The following SGCZ variants were observed in gnomAD, a reference collection of about 807,000 sequenced individuals.
SGCZ encodes the protein zeta-sarcoglycan.
A neutral mutation model predicts 41.3 loss-of-function variants in SGCZ; 40 were observed. The ratio of observed to expected loss-of-function variants is 0.97; its 90% CI spans 0.75 to 1.26. The LOEUF is 1.26. Among genes scored for constraint, SGCZ ranks in the 50% most tolerant of loss-of-function variants. The pLI is 0.00. For missense variants in SGCZ, 552 were observed against 369.8 expected, an observed-to-expected ratio of 1.49 and a Z score of -4.04; for synonymous variants, 206 against 137.5, an observed-to-expected ratio of 1.50 and a Z score of -3.49.
rs190726094 is a variant in SGCZ, at chr8:14,131,897, G to A, written c.548-23662C>T. Among the ~76,000 whole-genome samples, 215 of 152,200 alleles carry A rather than the reference G, an allele frequency of 1.4e-3. 1 individual carries two copies. Among genetic ancestry groups the A allele is most frequent in the Non-Finnish European group, 2.7e-3 (181 of 68,012 alleles). The stretch of plus-strand genomic sequence containing the variant: ...ACAGCTTTGTAACCTAGGAGCAGTA[G>A]GTTATTTTATATAGTCTAGGTGGAT... On this transcript the variant is annotated intron_variant, in intron 5 of 7. Coordinates refer to ENST00000382080, the MANE Select transcript of SGCZ (RefSeq NM_139167.4).
At chr8:15,011,886 G>A (rs1407942917) in intron 1 of SGCZ, among the ~76,000 whole-genome samples, 1 of 152,108 alleles carries the variant, frequency 6.6e-6, no homozygotes, top group African/African-American at 2.4e-5. Context: ...TGTACTATAA[G>A]TTTATTCTTT....
intron 1 of SGCZ, among the ~76,000 whole-genome samples, chr8:14,711,866 G>C (rs550132390): frequency 6.6e-6 from 1 of 152,062 alleles, no homozygotes; most frequent in East Asian, 1.9e-4. Context: ...TTGGTTTTTC[G>C]CTTAATTGAA....
At chr8:14,862,554 ATAT>A (rs1803789711) in intron 1 of SGCZ, among the ~76,000 whole-genome samples, 1 of 134,222 alleles carries the variant, frequency 7.5e-6, no homozygotes, top group Non-Finnish European at 1.6e-5. Flanking sequence ...ATATATATAT[ATAT>A]ATATATATAT....
chr8:14,337,531 C>A (rs768833840), intron 2 of SGCZ, among the ~76,000 whole-genome samples: 1 of 151,934 alleles, frequency 6.6e-6, no homozygotes, highest in Non-Finnish European at 1.5e-5. Context: ...GAATGACTCC[C>A]GGAAGTATGG....
intron 2 of SGCZ, among the ~76,000 whole-genome samples, chr8:14,380,908 A>T (rs187825616): frequency 6.6e-6 from 1 of 152,304 alleles, no homozygotes; most frequent in African/African-American, 2.4e-5. Context: ...AGTAAAAAGT[A>T]AAACTACCTT....
At chr8:14,987,390 T>A (rs1238858695) in intron 1 of SGCZ, among the ~76,000 whole-genome samples, 6 of 151,994 alleles carry the variant, frequency 3.9e-5, no homozygotes, top group Non-Finnish European at 8.8e-5. Flanking sequence ...ATAGGCCTTC[T>A]TCTATATAAA....
At chr8:14,415,365 T>G (rs934018459) in intron 2 of SGCZ, among the ~76,000 whole-genome samples, 1 of 151,876 alleles carries the variant, frequency 6.6e-6, no homozygotes, top group African/African-American at 2.4e-5. Context: ...GTAAAAATTA[T>G]ATGAAGAAAA....
intron 3 of SGCZ, among the ~76,000 whole-genome samples, chr8:14,295,174 C>G (rs576728592): frequency 1.3e-5 from 2 of 151,974 alleles, no homozygotes; most frequent in African/African-American, 4.8e-5. Flanking sequence ...CCAAAAGATG[C>G]GAAAAGAAAT....
At chr8:14,217,878 G>A (rs577967075) in intron 4 of SGCZ, among the ~76,000 whole-genome samples, 85 of 151,992 alleles carry the variant, frequency 5.6e-4, no homozygotes, top group South Asian at 2.1e-3. Context: ...TGATCCACCC[G>A]CCTCAGCCTC....
chr8:14,288,118 G>T (rs1043278432), intron 3 of SGCZ, among the ~76,000 whole-genome samples: 1 of 152,028 alleles, frequency 6.6e-6, no homozygotes, highest in Non-Finnish European at 1.5e-5. Context: ...AATTGAAGAT[G>T]CAAGATCTCT....
At chr8:14,638,426 C>T (rs1423392207) in intron 1 of SGCZ, among the ~76,000 whole-genome samples, 1 of 151,880 alleles carries the variant, frequency 6.6e-6, no homozygotes, top group Non-Finnish European at 1.5e-5. Flanking sequence ...GTATAAATAA[C>T]ATTTCCTTAA....
intron 2 of SGCZ, among the ~76,000 whole-genome samples, chr8:14,548,669 G>A (rs1047264049): frequency 1.3e-5 from 2 of 152,130 alleles, no homozygotes; most frequent in Admixed American, 1.3e-4. Flanking sequence ...ACCTTTTTCA[G>A]CTTTCATTTA....
chr8:14,321,072 G>C (rs1185198780), intron 3 of SGCZ, among the ~76,000 whole-genome samples: 1 of 152,026 alleles, frequency 6.6e-6, no homozygotes, highest in Non-Finnish European at 1.5e-5. Flanking sequence ...CAAGTGCCTT[G>C]AAAAGAGATG....
chr8:14,444,125 C>G (rs528380916), intron 2 of SGCZ, among the ~76,000 whole-genome samples: 3,857 of 151,826 alleles, frequency 0.025, 75 homozygotes, highest in South Asian at 0.034. Flanking sequence ...CCATCTCACA[C>G]TAGTTAGAAT....
intron 3 of SGCZ, among the ~76,000 whole-genome samples, chr8:14,267,696 T>G (rs1372613302): frequency 6.6e-6 from 1 of 152,132 alleles, no homozygotes; most frequent in Non-Finnish European, 1.5e-5. Flanking sequence ...GATACATTTG[T>G]AAAATCTCTT....
chr8:14,317,970 T>C (rs1239395688), intron 3 of SGCZ, among the ~76,000 whole-genome samples: 1 of 150,054 alleles, frequency 6.7e-6, no homozygotes, highest in Non-Finnish European at 1.5e-5. Flanking sequence ...CTCTACCAAT[T>C]AGAAAAAAAA....
intron 3 of SGCZ, among the ~76,000 whole-genome samples, chr8:14,242,517 G>C (rs944823234): frequency 2.6e-5 from 4 of 152,080 alleles, no homozygotes; most frequent in African/African-American, 9.7e-5. Context: ...TGTAAAATAG[G>C]GGTCATAGCA....
intron 1 of SGCZ, among the ~76,000 whole-genome samples, chr8:15,041,995 T>G (rs1563461110): frequency 6.6e-6 from 1 of 151,948 alleles, no homozygotes; most frequent in South Asian, 2.1e-4. Flanking sequence ...AGGAAGAAAA[T>G]GAAAATATTT....
intron 2 of SGCZ, among the ~76,000 whole-genome samples, chr8:14,393,586 G>A (rs7830532): frequency 0.12 from 18,373 of 152,052 alleles, 2,455 homozygotes; most frequent in African/African-American, 0.33. Flanking sequence ...AGAAATTTCG[G>A]TGCATTCACC....
Sources: allele counts gnomAD v4.1 joint callset (sites outside exome capture counted in the v4.1 genomes callset), GRCh38; gene constraint gnomAD v4.1.1; transcripts MANE v1.5; gene names NCBI Gene and HGNC (gene_info 2026-07-23, HGNC 2026-07-21).